Variants in NEB observed in about 807,000 individuals in gnomAD.
NEB encodes the protein nebulin, also known as nemaline myopathy type 2.
A neutral mutation model predicts 952.2 loss-of-function variants in NEB; 512 were observed. That is an observed-to-expected ratio of 0.54 (90% confidence interval 0.50 to 0.58). The LOEUF is 0.58. Among genes scored for constraint, NEB ranks in the 20% least tolerant of loss-of-function variants. NEB has a pLI of 0.00. For missense variants in NEB, 8,428 were observed against 9,231.1 expected (o/e 0.91, Z 3.56); for synonymous variants, 2,900 against 3,149.8 (o/e 0.92, Z 2.66).
In NEB at chr2:151,695,662, A is replaced by T; in HGVS notation, c.1590T>A (p.His530Gln). 1 of 1,613,540 alleles carries T rather than the reference A, an allele frequency of 6.2e-7. No homozygotes were observed. Among genetic ancestry groups the T allele is most frequent in the Non-Finnish European group, 8.5e-7 (1 of 1,179,560 alleles). ...QLSDLNYKAK[H>Q]ESEKFKCHIP... The stretch of plus-strand genomic sequence containing the variant: ...TATGGCACTTGAACTTTTCACTTTC[A>T]TGTTTTGCTTTGTAATTTAACTATG... Residue 530 changes from histidine to glutamine, a missense_variant, in exon 18 of 182, where the codon CAT becomes CAA. Transcript: ENST00000397345.
Position 151,619,501 on chromosome 2 carries a change from C to T in NEB, c.10822G>A (p.Asp3608Asn), listed in dbSNP as rs776058092. 2.4e-5 allele frequency: 39 copies of T among 1,612,790 alleles called. No individual in the cohort carries two copies. The highest frequency in any genetic ancestry group is 2.2e-4 in the East Asian group (10 of 44,876). The change falls in exon 73 of 182, where the codon GAC becomes AAC. Residue 3608 changes from aspartate (D) to asparagine (N), a missense_variant. Physicochemically the swap from Asp to Asn is conservative, Grantham distance 23 (BLOSUM62 1). Around this residue, in one of 11 missense-constraint regions of NEB, gnomAD observed 1,772 missense variants for 1,960.3 expected, o/e 0.90. Coordinates refer to ENST00000397345, the MANE Select transcript of NEB (RefSeq NM_001164508.2). ...HPLHEWICLP[D>N]QNDIIHARKA... ...CGTGCATGAATGATGTCATTCTGGT[C>T]GGGCAGGCAGATCCATTCATGCAGA...
chr2:151,519,908 T>C, intron 153 of NEB, 140 bp from the exon 154 acceptor site: 1 of 587,118 alleles, frequency 1.7e-6, no homozygotes, highest in South Asian at 2.4e-5. Context: ...CTGGGACATT[T>C]AGAGTAAAGA....
At chr2:151,621,107 TTTGG>T in intron 71 of NEB, 81 bp from the exon 72 acceptor site, 7 of 1,050,376 alleles carry the variant, frequency 6.7e-6, no homozygotes, top group Non-Finnish European at 8.6e-6. Context: ...GAAGACCACT[TTTGG>T]ATGCAAAACT....
At chr2:151,671,561 G>A (rs937166465) in intron 37 of NEB, among the ~76,000 whole-genome samples, 3 of 151,870 alleles carry the variant, frequency 2.0e-5, no homozygotes, top group Admixed American at 2.0e-4. Context: ...GTATTATGAA[G>A]CCTAATAAAA....
At chr2:151,542,950 A>C (rs2094253929) in intron 135 of NEB, among the ~76,000 whole-genome samples, 1 of 152,206 alleles carries the variant, frequency 6.6e-6, no homozygotes, top group Admixed American at 6.5e-5. Flanking sequence ...TATGTAAACT[A>C]GTCCCAGTTA....
chr2:151,622,410 A>G (rs1185014476), intron 71 of NEB, among the ~76,000 whole-genome samples: 1 of 152,222 alleles, frequency 6.6e-6, no homozygotes, highest in Non-Finnish European at 1.5e-5. Context: ...CACTTAGTCA[A>G]ATATTTTAAT....
At chr2:151,526,303 G>T in intron 148 of NEB, 41 bp from the exon 149 acceptor site, 1 of 1,311,966 alleles carries the variant, frequency 7.6e-7, no homozygotes, top group Non-Finnish European at 1.1e-6. Flanking sequence ...AGCTCTGCTG[G>T]ATATCCTACA....
At chr2:151,727,013 G>C (rs1055945711) in intron 5 of NEB, among the ~76,000 whole-genome samples, 1 of 150,052 alleles carries the variant, frequency 6.7e-6, no homozygotes, top group African/African-American at 2.5e-5. Context: ...TCAAGCTATT[G>C]CTTGATCCAG....
intron 28 of NEB, among the ~76,000 whole-genome samples, chr2:151,683,039 G>C (rs980509758): frequency 2.6e-5 from 4 of 152,048 alleles, no homozygotes; most frequent in Non-Finnish European, 5.9e-5. Context: ...GAAAATGTTC[G>C]AGTCAAAGCT....
At position 151,684,965 on chromosome 2, in the gene NEB, C is replaced by T. The variant is rs751875993; in HGVS notation, c.2648G>A (p.Arg883Gln). Residue 883 changes from arginine to glutamine, a missense_variant, in exon 28 of 182, where the codon CGA becomes CAA. Arg to Gln is a conservative substitution (Grantham distance 43). Around this residue, in one of 11 missense-constraint regions of NEB, gnomAD observed 2,851 missense variants for 2,791.5 expected, o/e 1.02. Coordinates refer to ENST00000397345, the MANE Select transcript of NEB (RefSeq NM_001164508.2). ...TAKNQSDREY[R>Q]KDYEKSKTIY... is the part of the protein sequence containing the mutation. ...AGTTTTTGACTTTTCATAATCTTTT[C>T]GATATTCGCGCTGTGAATAGGAAAT... The T allele has an allele frequency of 8.7e-6, 14 of 1,603,616 alleles. No homozygotes were observed. Among genetic ancestry groups the T allele is most frequent in the South Asian group, 6.7e-5 (6 of 89,040 alleles).
In NEB at chr2:151,493,850, G is replaced by T. The variant is rs1195103555; in HGVS notation, c.24597C>A (p.Asn8199Lys). 6.4e-7 allele frequency: 1 copy of T among 1,569,114 alleles called. No individual in the cohort carries two copies. Among genetic ancestry groups the T allele is most frequent in the Admixed American group, 1.9e-5 (1 of 53,100 alleles). The change falls in exon 175 of 182, where the codon AAC (asparagine) becomes AAA (lysine). Residue 8199 changes from asparagine to lysine, a missense_variant. Transcript: ENST00000397345. ...AGGGTGTGGGGGTTGCTTTCCCCAG[G>T]TTCTCTTTGTATAACACCTGTGAGA... The part of the protein sequence containing the change: ...ENISSVLYKE[N>K]LGKATPTPFT...
chr2:151,502,937 T>G, intron 166 of NEB, 52 bp from the exon 167 acceptor site: 2 of 1,133,672 alleles, frequency 1.8e-6, no homozygotes, highest in Non-Finnish European at 2.6e-6. Flanking sequence ...GCACAGAGAG[T>G]AAGGAAGGAA....
intron 65 of NEB, among the ~76,000 whole-genome samples, chr2:151,631,634 A>T (rs940319681): frequency 6.6e-6 from 1 of 152,188 alleles, no homozygotes; most frequent in African/African-American, 2.4e-5. Context: ...ATCCCTATGC[A>T]GGGAAGAATA....
chr2:151,730,493 A>G (rs1389122117), intron 3 of NEB, among the ~76,000 whole-genome samples: 3 of 151,938 alleles, frequency 2.0e-5, no homozygotes, highest in African/African-American at 7.2e-5. Flanking sequence ...TCAGATGTGT[A>G]AGGAGAGAGG....
In NEB at chr2:151,717,519, A is replaced by G; in HGVS notation, c.719T>C (p.Val240Ala). The G allele has an allele frequency of 6.2e-7, 1 of 1,608,466 alleles. No individual in the cohort carries two copies. The highest frequency in any genetic ancestry group is 8.5e-7 in the Non-Finnish European group (1 of 1,174,980). ...VAQAQKALSD[V>A]AYKKGLAEQQ... Reference sequence around the variant, plus strand: ...TTCAGCGAGACCTTTTTTGTAGGCAACCTGATGAAATAAAAGACAGGGATG... The same window carrying G: ...TTCAGCGAGACCTTTTTTGTAGGCAGCCTGATGAAATAAAAGACAGGGATG... Residue 240 changes from valine to alanine, a missense_variant and splice_region_variant, in exon 10 of 182, where the codon GTT becomes GCT. Coordinates refer to ENST00000397345, the MANE Select transcript of NEB (RefSeq NM_001164508.2).
At chr2:151,522,129 A>C (rs181233980) in intron 153 of NEB, among the ~76,000 whole-genome samples, 11 of 152,342 alleles carry the variant, frequency 7.2e-5, no homozygotes, top group African/African-American at 2.6e-4. Flanking sequence ...TTATGGATGT[A>C]GTATAGGAAA....
At chr2:151,641,986 C>A (rs1307936551) in intron 60 of NEB, among the ~76,000 whole-genome samples, 1 of 152,132 alleles carries the variant, frequency 6.6e-6, no homozygotes, top group Non-Finnish European at 1.5e-5. Flanking sequence ...ATGACAGGCC[C>A]CAGTGTGTGA....
intron 81 of NEB, 61 bp downstream of exon 81, chr2:151,609,748 C>G (rs2097874611): frequency 6.7e-7 from 1 of 1,490,460 alleles, no homozygotes; most frequent in South Asian, 1.3e-5. Context: ...GAGGCACTGA[C>G]TGGGCAATGA....
At chr2:151,673,575 G>A (rs892821384) in intron 36 of NEB, among the ~76,000 whole-genome samples, 2 of 152,048 alleles carry the variant, frequency 1.3e-5, no homozygotes, top group African/African-American at 4.8e-5. Context: ...TTCCTACAAG[G>A]AAAGTAGCAG....
Sources: allele counts gnomAD v4.1 joint callset (sites outside exome capture counted in the v4.1 genomes callset), GRCh38; gene constraint gnomAD v4.1.1; regional missense constraint gnomAD v4.1.1; transcripts MANE v1.5; gene names NCBI Gene and HGNC (gene_info 2026-07-23, HGNC 2026-07-21).